TSHZ2: variants seen among roughly 807,000 people sequenced by gnomAD.
TSHZ2 encodes teashirt homolog 2.
TSHZ2 carries 21 observed loss-of-function variants against 74.4 expected under a neutral mutation model. The observed-to-expected ratio is 0.28, with a 90% CI of 0.20 to 0.41. The LOEUF is 0.41. TSHZ2 is among the 10% of genes least tolerant of loss of function. TSHZ2 has a pLI of 1.00. For synonymous variants in TSHZ2, 540 were observed against 515.3 expected (o/e 1.05, Z -0.65); for missense variants, 1,244 against 1,293.5 (o/e 0.96, Z 0.59).
chr20:53,467,214 A>G (rs1374079567), intron 2 of TSHZ2, among the ~76,000 whole-genome samples: 1 of 152,162 alleles, frequency 6.6e-6, no homozygotes, highest in African/African-American at 2.4e-5. Context: ...CTCCTTTTTT[A>G]TAAAAAGGGA....
chr20:53,056,262 T>C (rs1177670609), intron 1 of TSHZ2, among the ~76,000 whole-genome samples: 2 of 152,184 alleles, frequency 1.3e-5, no homozygotes, highest in African/African-American at 4.8e-5. Context: ...TTTTCAGTAC[T>C]ACAGGGAATA....
At chr20:53,009,604 T>C (rs191964230) in intron 1 of TSHZ2, among the ~76,000 whole-genome samples, 1 of 152,192 alleles carries the variant, frequency 6.6e-6, no homozygotes, top group Non-Finnish European at 1.5e-5. Context: ...AAACCACAGA[T>C]AAGTAGGGAC....
intron 1 of TSHZ2, among the ~76,000 whole-genome samples, chr20:53,085,464 C>G (rs968508131): frequency 2.0e-5 from 3 of 152,110 alleles, no homozygotes; most frequent in African/African-American, 7.2e-5. Flanking sequence ...TATGACCAGG[C>G]TGTCAGTGGG....
At chr20:53,315,097 G>A (rs1978947140) in intron 2 of TSHZ2, among the ~76,000 whole-genome samples, 1 of 152,224 alleles carries the variant, frequency 6.6e-6, no homozygotes, top group South Asian at 2.1e-4. Flanking sequence ...TTCTTGATGG[G>A]TGCAGTTCCA....
In TSHZ2 at chr20:53,411,101, C is replaced by T. The variant is rs564926161; in HGVS notation, c.*9-76043C>T. Reference sequence around the variant, plus strand: ...CACTTTCCTGTTCATAACTGTGAACCATGTTCAGCATTTTGGGGGTATCTT... The same window carrying T: ...CACTTTCCTGTTCATAACTGTGAACTATGTTCAGCATTTTGGGGGTATCTT... On this transcript the variant is annotated intron_variant, in intron 2 of 2. Transcript: ENST00000371497. 2.0e-5 allele frequency among the ~76,000 whole-genome samples: 3 copies of T among 152,280 alleles called. No individual in the cohort carries two copies. In the South Asian group the frequency reaches 6.2e-4, roughly 32 times the overall value.
intron 1 of TSHZ2, among the ~76,000 whole-genome samples, chr20:52,973,592 C>A (rs959423496): frequency 6.6e-6 from 1 of 152,316 alleles, no homozygotes; most frequent in South Asian, 2.1e-4. Context: ...TCTACCCCAC[C>A]CCTAACTTTC....
chr20:53,255,953 C>G lies in TSHZ2; in HGVS notation c.2495C>G (p.Ser832Cys), dbSNP rs755884742. The change falls in exon 2 of 3, where the codon TCC becomes TGC. Residue 832 changes from serine to cysteine, a missense_variant. This residue lies in a region of TSHZ2 where 562 missense variants were observed against 544.0 expected (regional missense o/e 1.03). Transcript: ENST00000371497. This position sits in a 1 kb window ranked among gnomAD's most constrained non-coding sequence, Gnocchi z 4.1. Reference protein sequence around the residue: ...EMDVRRFEDVSSEVSTLHKRK... With the variant: ...EMDVRRFEDVCSEVSTLHKRK... ...GATGTCAGGCGCTTTGAGGATGTCT[C>G]CAGTGAAGTCTCAACTTTGCATAAA... 9 of 1,614,180 alleles carry G rather than the reference C, an allele frequency of 5.6e-6. No individual in the cohort carries two copies. Among genetic ancestry groups the G allele is most frequent in the Admixed American group, 1.7e-5 (1 of 60,024 alleles).
At chr20:53,241,104 C>A (rs1296863688) in intron 1 of TSHZ2, among the ~76,000 whole-genome samples, 1 of 152,106 alleles carries the variant, frequency 6.6e-6, no homozygotes, top group East Asian at 1.9e-4. Context: ...TAGGTAGGGA[C>A]AAAGAAAAGA....
At chr20:53,432,220 T>C (rs1197182434) in intron 2 of TSHZ2, among the ~76,000 whole-genome samples, 1 of 152,224 alleles carries the variant, frequency 6.6e-6, no homozygotes, top group Non-Finnish European at 1.5e-5. Flanking sequence ...TGAGAACATA[T>C]GGCATTTGGT....
intron 1 of TSHZ2, among the ~76,000 whole-genome samples, chr20:52,984,506 C>A (rs1568704413): frequency 6.6e-6 from 1 of 152,102 alleles, no homozygotes; most frequent in African/African-American, 2.4e-5. Flanking sequence ...GCTGAAAATC[C>A]GGGGCTAGAG....
chr20:53,039,254 G>C (rs965963325), intron 1 of TSHZ2, among the ~76,000 whole-genome samples: 9 of 151,778 alleles, frequency 5.9e-5, no homozygotes, highest in Non-Finnish European at 1.3e-4. Context: ...AACCTACCCC[G>C]ATCATCTGAT....
intron 1 of TSHZ2, among the ~76,000 whole-genome samples, chr20:53,104,893 A>G (rs1365389419): frequency 6.6e-6 from 1 of 152,202 alleles, no homozygotes; most frequent in Admixed American, 6.5e-5. Context: ...TTTGAGGAGA[A>G]GGTGAAGATG....
intron 2 of TSHZ2, among the ~76,000 whole-genome samples, chr20:53,284,614 C>T (rs1476124464): frequency 6.6e-6 from 1 of 152,096 alleles, no homozygotes; most frequent in Non-Finnish European, 1.5e-5. Flanking sequence ...CCCCTGTGGC[C>T]CCGAAGTAAG....
At chr20:53,430,647 T>C (rs975817988) in intron 2 of TSHZ2, among the ~76,000 whole-genome samples, 5 of 151,854 alleles carry the variant, frequency 3.3e-5, no homozygotes, top group African/African-American at 1.2e-4. Flanking sequence ...CTGGGCAACA[T>C]AGTGAGACCC....
At chr20:53,486,686 A>T (rs550358348) in intron 2 of TSHZ2, among the ~76,000 whole-genome samples, 2 of 152,310 alleles carry the variant, frequency 1.3e-5, no homozygotes, top group Admixed American at 1.3e-4. Flanking sequence ...CAAAAGGAAA[A>T]GAATAAGAAA....
Position 53,469,915 on chromosome 20 carries a change from AAGGAAGGCAGGCAGGC to A in TSHZ2, c.*9-17225_*9-17210del, listed in dbSNP as rs1482163444. Among the ~76,000 whole-genome samples, 7 of 150,116 alleles carry A rather than the reference AAGGAAGGCAGGCAGGC, an allele frequency of 4.7e-5. No individual in the cohort carries two copies. The South Asian group carries it at 6.3e-4, about 13-fold the overall frequency. On this transcript the variant is annotated intron_variant, in intron 2 of 2. Transcript: ENST00000371497. ...AGAGGAAAGGAGGAAGGAAGGAAGG[AAGGAAGGCAGGCAGGC>A]AGGCAGGCAGGCAGACACAACCCAG...
At chr20:53,443,528 C>T (rs7360757) in intron 2 of TSHZ2, among the ~76,000 whole-genome samples, 18,795 of 152,216 alleles carry the variant, frequency 0.12, 1,741 homozygotes, top group African/African-American at 0.26. Context: ...CCTTTAACCC[C>T]GATTCTTCCA....
chr20:53,156,927 T>C (rs1382295972), intron 1 of TSHZ2, among the ~76,000 whole-genome samples: 1 of 152,232 alleles, frequency 6.6e-6, no homozygotes, highest in African/African-American at 2.4e-5. Flanking sequence ...ATCTCACGAC[T>C]TCTATCTGCC....
chr20:53,174,799 C>T (rs1035742268), intron 1 of TSHZ2, among the ~76,000 whole-genome samples: 1 of 151,928 alleles, frequency 6.6e-6, no homozygotes, highest in African/African-American at 2.4e-5. Context: ...TTAGACAAAT[C>T]CAGAGAAATG....
Sources: gnomAD v4.1 joint callset for allele counts (sites outside exome capture counted in the v4.1 genomes callset) on GRCh38, gnomAD v4.1.1 for gene constraint, gnomAD v4.1.1 regional missense constraint, Gnocchi (gnomAD v3.1) non-coding constraint, MANE v1.5 for transcripts, NCBI Gene and HGNC (gene_info 2026-07-23, HGNC 2026-07-21) for gene names.